Variants in LDLRAP1 observed in about 807,000 individuals in gnomAD.
LDLRAP1 encodes low density lipoprotein receptor adapter protein 1.
A neutral mutation model predicts 37.8 loss-of-function variants in LDLRAP1; 30 were observed. The observed-to-expected ratio is 0.79, with a 90% CI of 0.59 to 1.08. The LOEUF (loss-of-function observed/expected upper bound fraction) is 1.08, where lower values mean the gene tolerates loss of function less well. Among genes scored for constraint, LDLRAP1 ranks in the 50% least tolerant of loss-of-function variants. LDLRAP1 has a pLI of 0.00. For missense variants in LDLRAP1, 375 were observed against 401.6 expected, an observed-to-expected ratio of 0.93 and a Z score of 0.57; for synonymous variants, 156 against 169.8, an observed-to-expected ratio of 0.92 and a Z score of 0.63.
At chr1:25,550,777 T>C (rs1331334819) in intron 1 of LDLRAP1, among the ~76,000 whole-genome samples, 1 of 152,018 alleles carries the variant, frequency 6.6e-6, no homozygotes, top group Admixed American at 6.5e-5. Flanking sequence ...TGGCAACCAG[T>C]CTGTAAGGAC....
At position 25,565,199 on chromosome 1, in the gene LDLRAP1, G is replaced by A. The variant is rs755499671; in HGVS notation, c.774G>A (p.Ala258=). Residue 258 remains alanine, a synonymous_variant, in exon 8 of 9, where the codon GCG becomes GCA. Coordinates refer to ENST00000374338, the MANE Select transcript of LDLRAP1 (RefSeq NM_015627.3). ...AGCTGGATGATGGCCTGGATGAAGC[G>A]TTTTCGAGGTAATGCTAGCTTCCTG... ...VWELDDGLDE[A]FSRLAQSRTN... 7 of 1,614,172 alleles carry A rather than the reference G, an allele frequency of 4.3e-6. No individual in the cohort carries two copies. The highest frequency in any genetic ancestry group is 1.1e-5 in the South Asian group (1 of 91,086).
chr1:25,572,919 G>C (rs1417429534), downstream of LDLRAP1, among the ~76,000 whole-genome samples: 1 of 152,314 alleles, frequency 6.6e-6, no homozygotes, highest in South Asian at 2.1e-4. Context: ...ACCTAGAAGA[G>C]GGGGCATGGA....
the LDLRAP1 span, among the ~76,000 whole-genome samples, chr1:25,582,330 T>G: frequency 1.3e-5 from 2 of 152,222 alleles, no homozygotes; most frequent in Admixed American, 1.3e-4. Flanking sequence ...CTCACGCCTG[T>G]AATCCCAGCA....
chr1:25,553,846 A>G (rs986302148), intron 1 of LDLRAP1, 76 bp from the exon 2 acceptor site: 46 of 1,576,026 alleles, frequency 2.9e-5, no homozygotes, highest in African/African-American at 4.0e-5. Flanking sequence ...TTCCTAGGAA[A>G]GAAGGCTGGT....
At chr1:25,557,414 G>A (rs774858138) in intron 4 of LDLRAP1, 147 bp downstream of exon 4, 2 of 673,970 alleles carry the variant, frequency 3.0e-6, no homozygotes, top group Non-Finnish European at 5.3e-6. Flanking sequence ...CCAAGTGGGT[G>A]CCGAGAGCTA....
chr1:25,562,786 C>A, intron 5 of LDLRAP1, 70 bp downstream of exon 5: 1 of 1,364,306 alleles, frequency 7.3e-7, no homozygotes, highest in Non-Finnish European at 1.0e-6. Context: ...TGGGGTCAGA[C>A]CTGGACCGAC....
At chr1:25,579,456 C>T in the LDLRAP1 span, among the ~76,000 whole-genome samples, 4 of 152,304 alleles carry the variant, frequency 2.6e-5, no homozygotes, top group East Asian at 3.9e-4. Context: ...GCTCAGCTGC[C>T]GCTGTCACGT....
chr1:25,572,673 C>T (rs2044620966), downstream of LDLRAP1, among the ~76,000 whole-genome samples: 1 of 152,190 alleles, frequency 6.6e-6, no homozygotes, highest in African/African-American at 2.4e-5. Flanking sequence ...TTTCCACCGA[C>T]TCCATGCCCA....
the LDLRAP1 span, among the ~76,000 whole-genome samples, chr1:25,585,222 C>T: frequency 2.0e-5 from 3 of 152,306 alleles, no homozygotes; most frequent in East Asian, 3.9e-4. Context: ...CTCTGATTAT[C>T]TCTCTTTTGT....
In LDLRAP1 at chr1:25,555,103, T is replaced by C. The variant is rs2124668106; in HGVS notation, c.344+131T>C. The C allele has an allele frequency of 1.3e-6, 1 of 747,594 alleles. No homozygotes were observed. Among genetic ancestry groups the C allele is most frequent in the Non-Finnish European group, 2.4e-6 (1 of 416,738 alleles). 46.3% of individuals were successfully genotyped at this position (747,594 alleles called of 1,614,324 possible). A position where few individuals can be genotyped will look rare whatever the true frequency, so the allele number is the denominator to read the frequency against. On this transcript the variant is annotated intron_variant, in intron 3 of 8. Coordinates refer to ENST00000374338, the MANE Select transcript of LDLRAP1 (RefSeq NM_015627.3). This position sits in a 1 kb window ranked among gnomAD's most constrained non-coding sequence, Gnocchi z 4.7. ...AGCCTCAGTTTCCTCATCTGTAAAA[T>C]GGGGGTGGGAACAGATCCTGCTGCA... is the stretch of plus-strand genomic sequence containing the variant.
At chr1:25,551,299 C>T (rs2044065692) in intron 1 of LDLRAP1, among the ~76,000 whole-genome samples, 2 of 152,068 alleles carry the variant, frequency 1.3e-5, no homozygotes, top group African/African-American at 2.4e-5. Flanking sequence ...TACCTAATTC[C>T]AGGTGAGAAG....
At chr1:25,583,065 A>G in the LDLRAP1 span, among the ~76,000 whole-genome samples, 1 of 151,548 alleles carries the variant, frequency 6.6e-6, no homozygotes, top group African/African-American at 2.4e-5. Context: ...GAGTGAGACT[A>G]TCTCAAAAAA....
chr1:25,556,363 G>A (rs2044199968), intron 3 of LDLRAP1, among the ~76,000 whole-genome samples: 1 of 152,182 alleles, frequency 6.6e-6, no homozygotes, highest in African/African-American at 2.4e-5. Flanking sequence ...GCGACTGGGG[G>A]CAGAGAGGGT....
At chr1:25,586,928 T>G in the LDLRAP1 span, among the ~76,000 whole-genome samples, 1 of 152,150 alleles carries the variant, frequency 6.6e-6, no homozygotes, top group South Asian at 2.1e-4. This position sits in a 1 kb window ranked among gnomAD's most constrained non-coding sequence, Gnocchi z 4.3. Context: ...GCCATGATCA[T>G]AGTCCCAGAC....
chr1:25,544,688 CGTT>C lies in LDLRAP1; in HGVS notation c.88+906_88+908del, dbSNP rs144087549. ...AGAAGACCCAGCCTAGCGCAGGTCT[CGTT>C]GTTTGGGAGGGAGAAGAGAGTGGCT... is the stretch of plus-strand genomic sequence containing the variant. On this transcript the variant is annotated intron_variant, in intron 1 of 8. Coordinates refer to ENST00000374338, the MANE Select transcript of LDLRAP1 (RefSeq NM_015627.3). This position sits in a 1 kb window ranked among gnomAD's most constrained non-coding sequence, Gnocchi z 4.8. Among the ~76,000 whole-genome samples the C allele has an allele frequency of 7.0e-4, 107 of 152,274 alleles. No individual in the cohort carries two copies. The East Asian group carries it at 0.017, about 24-fold the overall frequency.
chr1:25,562,791 A>G (rs532446621), intron 5 of LDLRAP1, 75 bp downstream of exon 5: 12 of 1,322,278 alleles, frequency 9.1e-6, no homozygotes, highest in African/African-American at 1.4e-5. Context: ...TCAGACCTGG[A>G]CCGACTTCCT....
Position 25,554,138 on chromosome 1 carries a change from C to A in LDLRAP1, c.231+74C>A. 6.4e-7 allele frequency: 1 copy of A among 1,566,712 alleles called. No homozygotes were observed. ...GCTTCTTCCCAGGGTGCCCTCGTCC[C>A]AGCTTGTTACTCCAGTTGGGTGTGT... On this transcript the variant is annotated intron_variant, in intron 2 of 8. Coordinates refer to ENST00000374338, the MANE Select transcript of LDLRAP1 (RefSeq NM_015627.3). This position sits in a 1 kb window ranked among gnomAD's most constrained non-coding sequence, Gnocchi z 5.4.
At chr1:25,562,810 A>G (rs1462324471) in intron 5 of LDLRAP1, 94 bp downstream of exon 5, 1 of 1,128,002 alleles carries the variant, frequency 8.9e-7, no homozygotes, top group African/African-American at 1.5e-5. Context: ...CTGCCTCATC[A>G]CCCACCTGGC....
intron 4 of LDLRAP1, among the ~76,000 whole-genome samples, chr1:25,558,636 T>C (rs977118216): frequency 6.6e-6 from 1 of 152,192 alleles, no homozygotes; most frequent in Non-Finnish European, 1.5e-5. Context: ...GCCAGCAATG[T>C]AGCATCTTCT....
Sources: gnomAD v4.1 joint callset for allele counts (sites outside exome capture counted in the v4.1 genomes callset) on GRCh38, gnomAD v4.1.1 for gene constraint, Gnocchi (gnomAD v3.1) non-coding constraint, MANE v1.5 for transcripts, NCBI Gene and HGNC (gene_info 2026-07-23, HGNC 2026-07-21) for gene names.